Variants in ZNF618 observed in about 807,000 individuals in gnomAD.
ZNF618 encodes zinc finger protein 618, also known as neural precursor cell expressed, developmentally down-regulated 10.
A neutral mutation model predicts 103.0 loss-of-function variants in ZNF618; 34 were observed. The observed-to-expected ratio is 0.33, with a 90% CI of 0.25 to 0.44. The LOEUF (loss-of-function observed/expected upper bound fraction) is 0.44. Among genes scored for constraint, ZNF618 ranks in the 20% least tolerant of loss-of-function variants. ZNF618 has a pLI of 1.00. For synonymous variants in ZNF618, 551 were observed against 542.2 expected, an observed-to-expected ratio of 1.02 and a Z score of -0.23; for missense variants, 1,059 against 1,295.4, an observed-to-expected ratio of 0.82 and a Z score of 2.80.
chr9:114,042,553 G>C (rs76674453), intron 13 of ZNF618, among the ~76,000 whole-genome samples: 1 of 151,986 alleles, frequency 6.6e-6, no homozygotes, highest in South Asian at 2.1e-4. Context: ...TTTAGAGCAG[G>C]TGCAGTGGTT....
At chr9:113,877,649 TTGTG>T (rs147290113) in intron 1 of ZNF618, among the ~76,000 whole-genome samples, 1 of 151,812 alleles carries the variant, frequency 6.6e-6, no homozygotes, top group East Asian at 1.9e-4. Flanking sequence ...TTGTTGGGTT[TTGTG>T]TGTGTGTGTG....
At chr9:113,883,195 C>T (rs970435517) in intron 1 of ZNF618, among the ~76,000 whole-genome samples, 62 of 152,250 alleles carry the variant, frequency 4.1e-4, no homozygotes, top group African/African-American at 1.9e-4. Flanking sequence ...TTAGGGAGCC[C>T]GAGGCACATT....
intron 1 of ZNF618, among the ~76,000 whole-genome samples, chr9:113,908,040 G>A (rs1448928580): frequency 2.6e-5 from 4 of 151,982 alleles, no homozygotes; most frequent in Non-Finnish European, 4.4e-5. Context: ...CAAGGATGAC[G>A]CACAGTGTGC....
chr9:114,002,872 T>A (rs1841380064), intron 6 of ZNF618, among the ~76,000 whole-genome samples: 1 of 152,226 alleles, frequency 6.6e-6, no homozygotes, highest in Non-Finnish European at 1.5e-5. Flanking sequence ...CATGGCAGGC[T>A]CATTCTGGGA....
At chr9:113,959,900 C>T (rs1051562093) in intron 1 of ZNF618, among the ~76,000 whole-genome samples, 7 of 152,226 alleles carry the variant, frequency 4.6e-5, no homozygotes, top group South Asian at 2.1e-4. Flanking sequence ...TGAGCCACCA[C>T]GCCCGGCCCC....
intron 1 of ZNF618, among the ~76,000 whole-genome samples, chr9:113,958,922 A>G (rs1452752862): frequency 6.6e-6 from 1 of 152,246 alleles, no homozygotes; most frequent in Non-Finnish European, 1.5e-5. Flanking sequence ...CCCTGATGGC[A>G]GGTGAAGGAT....
intron 1 of ZNF618, among the ~76,000 whole-genome samples, chr9:113,891,853 C>G (rs757003197): frequency 2.6e-5 from 4 of 152,104 alleles, no homozygotes; most frequent in Non-Finnish European, 5.9e-5. Context: ...TAAATATTTA[C>G]ATAACCTAAC....
At chr9:113,915,285 A>C (rs980765430) in intron 1 of ZNF618, among the ~76,000 whole-genome samples, 1 of 152,196 alleles carries the variant, frequency 6.6e-6, no homozygotes, top group Non-Finnish European at 1.5e-5. Flanking sequence ...GGACCTCAGC[A>C]GAAGATTCTG....
At chr9:113,877,736 TTTG>T (rs1482593131) in intron 1 of ZNF618, among the ~76,000 whole-genome samples, 2 of 152,242 alleles carry the variant, frequency 1.3e-5, no homozygotes, top group South Asian at 2.1e-4. Context: ...GCATTTCTTT[TTTG>T]TTGTTGTTTT....
chr9:113,968,223 T>C (rs1837602066), intron 1 of ZNF618, among the ~76,000 whole-genome samples: 2 of 152,186 alleles, frequency 1.3e-5, no homozygotes, highest in Admixed American at 6.5e-5. Context: ...AATAGAAATA[T>C]CAATGTGTTT....
At chr9:114,046,994 G>A (rs1188480430) in intron 13 of ZNF618, among the ~76,000 whole-genome samples, 1 of 152,192 alleles carries the variant, frequency 6.6e-6, no homozygotes, top group Non-Finnish European at 1.5e-5. Context: ...AAACAGCAGA[G>A]CCAGAAACCT....
chr9:113,881,863 TG>T (rs1289771860), intron 1 of ZNF618, among the ~76,000 whole-genome samples: 1 of 152,240 alleles, frequency 6.6e-6, no homozygotes, highest in African/African-American at 2.4e-5. Flanking sequence ...CGCAGACTTC[TG>T]CCAGGGTTAG....
chr9:113,946,714 T>C (rs1835069957), intron 1 of ZNF618, among the ~76,000 whole-genome samples: 2 of 152,184 alleles, frequency 1.3e-5, no homozygotes, highest in Admixed American at 6.5e-5. Context: ...AAAGTACCCC[T>C]CGCAGGATGT....
intron 3 of ZNF618, among the ~76,000 whole-genome samples, chr9:113,995,108 A>G (rs1278708322): frequency 1.3e-5 from 2 of 152,174 alleles, no homozygotes; most frequent in African/African-American, 4.8e-5. Context: ...CCTTGAGCTC[A>G]TATTTCCAGT....
rs142754672 is a variant in ZNF618, at chr9:113,931,934, G to A, written c.34-37183G>A. On this transcript the variant is annotated intron_variant, in intron 1 of 14. Coordinates refer to ENST00000374126, the MANE Select transcript of ZNF618 (RefSeq NM_001318042.2). The stretch of plus-strand genomic sequence containing the variant: ...CTACTCCTTGGGCTGAGGGAAGGCT[G>A]TATAGTGTAGTGATTGATTCATTCA... 3.0e-3 allele frequency among the ~76,000 whole-genome samples: 462 copies of A among 152,264 alleles called. 2 individuals are homozygous for A. Among genetic ancestry groups the A allele is most frequent in the South Asian group, 0.012 (60 of 4,816 alleles).
At chr9:114,003,881 G>A (rs1013304736) in intron 6 of ZNF618, among the ~76,000 whole-genome samples, 4 of 152,184 alleles carry the variant, frequency 2.6e-5, no homozygotes, top group Admixed American at 1.3e-4. Context: ...AGACGTCTCC[G>A]TCGCAAGTAT....
chr9:113,964,300 CTGT>C (rs1837153567), intron 1 of ZNF618, among the ~76,000 whole-genome samples: 1 of 152,196 alleles, frequency 6.6e-6, no homozygotes, highest in African/African-American at 2.4e-5. Context: ...ACCTAAGGAG[CTGT>C]TTTTCCTCCA....
Position 113,925,233 on chromosome 9 carries a change from C to T in ZNF618, c.34-43884C>T, listed in dbSNP as rs115897201. ...CTTATGTCTTCTTGGAGAATTGACC[C>T]CTTTATCATTATGTAATGCCCCTCT... On this transcript the variant is annotated intron_variant, in intron 1 of 14. Transcript: ENST00000374126. Among the ~76,000 whole-genome samples, 1,290 of 151,932 alleles carry T rather than the reference C, an allele frequency of 8.5e-3. 19 individuals are homozygous for T. The highest frequency in any genetic ancestry group is 0.03 in the African/African-American group (1,247 of 41,464).
intron 1 of ZNF618, among the ~76,000 whole-genome samples, chr9:113,908,774 A>G (rs4979295): frequency 0.58 from 87,469 of 151,574 alleles, 25,566 homozygotes; most frequent in East Asian, 0.68. Context: ...ACAGAATCAC[A>G]AGATACCATA....
Sources: gnomAD v4.1 joint callset for allele counts (sites outside exome capture counted in the v4.1 genomes callset) on GRCh38, gnomAD v4.1.1 for gene constraint, MANE v1.5 for transcripts, NCBI Gene and HGNC (gene_info 2026-07-23, HGNC 2026-07-21) for gene names.